Variants in ARVCF observed in about 807,000 individuals in gnomAD.
The protein encoded by ARVCF is splicing regulator ARVCF.
Under a neutral mutation model 90.9 loss-of-function variants are expected in ARVCF, and 66 were observed. The observed-to-expected ratio is 0.73, with a 90% confidence interval of 0.60 to 0.89. The LOEUF (loss-of-function observed/expected upper bound fraction) is 0.89, where lower values mean the gene tolerates loss of function less well. Among genes scored for constraint, ARVCF ranks in the 40% least tolerant of loss-of-function variants. The pLI, the probability that ARVCF is intolerant of heterozygous loss-of-function variation, is 0.00. For synonymous variants in ARVCF, 653 were observed against 603.4 expected, an observed-to-expected ratio of 1.08 and a Z score of -1.21; for missense variants, 1,469 against 1,382.3, an observed-to-expected ratio of 1.06 and a Z score of -1.00.
intron 3 of ARVCF, chr22:19,986,982 G>C (rs1220971968): frequency 4.7e-6 from 3 of 633,318 alleles, no homozygotes; most frequent in African/African-American, 3.8e-5. Context: ...CGGCTCCGCG[G>C]AACAAAAGCG....
chr22:19,981,962 C>T lies in ARVCF; in HGVS notation c.340G>A (p.Asp114Asn), dbSNP rs1943529247. ...TSHVSIVTSEDGTTRRTETKV... is the reference protein window; with the variant it reads ...TSHVSIVTSENGTTRRTETKV... ...GTCTCGGTGCGCCGGGTTGTGCCATCTTCGGATGTGACAATAGACACATGG... is the reference window on the plus strand; with the variant it reads ...GTCTCGGTGCGCCGGGTTGTGCCATTTTCGGATGTGACAATAGACACATGG... The change falls in exon 4 of 20, where the codon GAT (aspartate) becomes AAT (asparagine). Residue 114 changes from aspartate to asparagine, a missense_variant. By Grantham distance (23) the Asp-to-Asn change is conservative (BLOSUM62 1). Coordinates refer to ENST00000263207, the MANE Select transcript of ARVCF (RefSeq NM_001670.3). The T allele has an allele frequency of 3.1e-6, 5 of 1,609,776 alleles. No individual in the cohort carries two copies. Among genetic ancestry groups the T allele is most frequent in the East Asian group, 4.5e-5 (2 of 44,642 alleles).
chr22:19,975,739 A>G lies in ARVCF; in HGVS notation c.1907T>C (p.Met636Thr). The part of the protein sequence containing the change: ...WFHQGKKDGE[M>T]DRNFDTLDLP... Reference sequence around the variant, plus strand: ...GTCTAGCGTGTCAAAGTTCCGGTCCATCTCACCATCCTTCTTTCCTGGAAG... The same window carrying G: ...GTCTAGCGTGTCAAAGTTCCGGTCCGTCTCACCATCCTTCTTTCCTGGAAG... The change falls in exon 11 of 20, where the codon ATG (methionine) becomes ACG (threonine). Residue 636 changes from methionine to threonine, a missense_variant. Physicochemically the swap from Met to Thr is moderately conservative, Grantham distance 81. Transcript: ENST00000263207. The G allele has an allele frequency of 6.2e-7, 1 of 1,613,592 alleles. No homozygotes were observed. Among genetic ancestry groups the G allele is most frequent in the Non-Finnish European group, 8.5e-7 (1 of 1,179,950 alleles).
intron 2 of ARVCF, among the ~76,000 whole-genome samples, chr22:19,994,328 G>A (rs1434669560): frequency 2.7e-5 from 4 of 149,978 alleles, no homozygotes; most frequent in African/African-American, 9.9e-5. Context: ...GTGGGTGGAG[G>A]GATGGTGGGA....
intron 3 of ARVCF, among the ~76,000 whole-genome samples, chr22:19,983,284 C>T (rs568674486): frequency 3.5e-4 from 54 of 152,352 alleles, no homozygotes; most frequent in Non-Finnish European, 7.1e-4. Flanking sequence ...CACAATGGGT[C>T]CCTTGCCTGG....
chr22:19,979,981 GCA>G lies in ARVCF; in HGVS notation c.1156_1157del (p.Cys386LeufsTer2). Reference sequence around the variant, plus strand: ...GCCGCTTGACACCCTCGTTCTCAAAGCACAGATGCTGCAGGTAGGCGGCCGCA... The same window carrying G: ...GCCGCTTGACACCCTCGTTCTCAAAGCAGATGCTGCAGGTAGGCGGCCGCA... ...ANAAAYLQHL[C>X]FENEGVKRRV... is the part of the protein sequence containing the mutation. On this transcript the variant is annotated frameshift_variant, in exon 6 of 20. Coordinates refer to ENST00000263207, the MANE Select transcript of ARVCF (RefSeq NM_001670.3). LOFTEE classifies it high-confidence loss of function. 6.3e-7 allele frequency: 1 copy of G among 1,596,172 alleles called. No individual in the cohort carries two copies. Among genetic ancestry groups the G allele is most frequent in the East Asian group, 2.3e-5 (1 of 44,014 alleles).
Position 19,977,976 on chromosome 22 carries a change from C to A in ARVCF, c.1680G>T (p.Arg560=). ...TGCCCACCTTGTTGTCAGTGTCCTT[C>A]CGGCCCACAGCCGACTGCAGGGCAT... The part of the protein sequence containing the change: ...LLHALQSAVG[R]KDTDNKSVEN... The change falls in exon 8 of 20, where the codon CGG becomes CGT. Residue 560 remains arginine, a synonymous_variant. Transcript: ENST00000263207. 6.2e-7 allele frequency: 1 copy of A among 1,609,446 alleles called. No homozygotes were observed. The highest frequency in any genetic ancestry group is 8.5e-7 in the Non-Finnish European group (1 of 1,178,100).
intron 3 of ARVCF, among the ~76,000 whole-genome samples, chr22:19,985,715 A>T (rs1357502331): frequency 8.2e-6 from 1 of 122,492 alleles, no homozygotes; most frequent in Admixed American, 7.8e-5. Flanking sequence ...GACTTCACAG[A>T]TGCACCACGG....
At chr22:20,012,922 A>T (rs1270189029) in intron 1 of ARVCF, among the ~76,000 whole-genome samples, 1 of 152,212 alleles carries the variant, frequency 6.6e-6, no homozygotes, top group Non-Finnish European at 1.5e-5. Flanking sequence ...ACTGGGATGG[A>T]GGATGCAGCC....
At position 19,975,836 on chromosome 22, in the gene ARVCF, C is replaced by T. The variant is rs984744815; in HGVS notation, c.1889-79G>A. 4.0e-6 allele frequency: 6 copies of T among 1,501,078 alleles called. No homozygotes were observed. In the African/African-American group the frequency reaches 4.1e-5, roughly 10 times the overall value. The allele number at this position is 1,501,078 out of a possible 1,614,324, so 93.0% of individuals were successfully genotyped here. On this transcript the variant is annotated intron_variant, in intron 10 of 19. Coordinates refer to ENST00000263207, the MANE Select transcript of ARVCF (RefSeq NM_001670.3). ...TATCAGGAGAGTTGGGCACAGTTCT[C>T]TCCTACCCAGGCCCCAAAAGGCACC... is the stretch of plus-strand genomic sequence containing the variant.
intron 3 of ARVCF, among the ~76,000 whole-genome samples, chr22:19,985,253 C>A (rs1208129587): frequency 6.6e-6 from 1 of 152,184 alleles, no homozygotes; most frequent in Non-Finnish European, 1.5e-5. Flanking sequence ...TCCTCTTGCA[C>A]CCCGCCCGGC....
intron 2 of ARVCF, among the ~76,000 whole-genome samples, chr22:20,007,397 G>A (rs147443548): frequency 3.9e-5 from 6 of 152,340 alleles, no homozygotes; most frequent in East Asian, 3.9e-4. Context: ...GCGAGACTCC[G>A]TCTCAAAACA....
chr22:19,978,340 G>A (rs183173802), intron 7 of ARVCF, among the ~76,000 whole-genome samples: 21 of 152,290 alleles, frequency 1.4e-4, no homozygotes, highest in African/African-American at 4.8e-4. Flanking sequence ...CCTCCCAGCT[G>A]ACCTGGAAAG....
At chr22:20,008,064 T>A (rs1194444121) in intron 2 of ARVCF, among the ~76,000 whole-genome samples, 1 of 152,012 alleles carries the variant, frequency 6.6e-6, no homozygotes, top group African/African-American at 2.4e-5. Flanking sequence ...ATTTTTGACA[T>A]CAAAATGATC....
chr22:19,973,439 G>A, intron 13 of ARVCF, 122 bp from the exon 14 acceptor site: 1 of 1,339,776 alleles, frequency 7.5e-7, no homozygotes, highest in Non-Finnish European at 9.9e-7. Context: ...GTGTGCAGGC[G>A]GTCACAGGAG....
intron 1 of ARVCF, among the ~76,000 whole-genome samples, chr22:20,013,459 T>C (rs1207389101): frequency 6.6e-6 from 1 of 152,168 alleles, no homozygotes; most frequent in Non-Finnish European, 1.5e-5. Context: ...TTGGCTCCTT[T>C]CCAACTCCAC....
intron 11 of ARVCF, 129 bp from the exon 12 acceptor site, chr22:19,974,368 C>T: frequency 8.6e-7 from 1 of 1,160,454 alleles, no homozygotes. Flanking sequence ...GTGGATGAGT[C>T]ACGTAATATT....
At chr22:19,974,676 G>A (rs1943050112) in intron 11 of ARVCF, among the ~76,000 whole-genome samples, 1 of 151,914 alleles carries the variant, frequency 6.6e-6, no homozygotes, top group South Asian at 2.1e-4. Context: ...CTAGCAAGAG[G>A]ACCTGCTTTC....
chr22:19,979,904 G>C lies in ARVCF; in HGVS notation c.1235C>G (p.Pro412Arg). 6.2e-7 allele frequency: 1 copy of C among 1,600,186 alleles called. No homozygotes were observed. The highest frequency in any genetic ancestry group is 8.5e-7 in the Non-Finnish European group (1 of 1,174,304). ...GGCCCGGCGCCGCACCTCAGCCCGC[G>C]GGTGGTCCAGCAGTGCCACAAGCAG... ...LPLLVALLDH[P>R]RAEVRRRACG... The change falls in exon 6 of 20, where the codon CCG (proline) becomes CGG (arginine). Residue 412 changes from proline (P) to arginine (R), a missense_variant. Physicochemically the swap from Pro to Arg is moderately radical, Grantham distance 103 (BLOSUM62 -2). Coordinates refer to ENST00000263207, the MANE Select transcript of ARVCF (RefSeq NM_001670.3).
intron 1 of ARVCF, among the ~76,000 whole-genome samples, chr22:20,013,873 A>AT (rs887081282): frequency 9.9e-5 from 15 of 151,182 alleles, no homozygotes; most frequent in Admixed American, 2.6e-4. Context: ...TTTTGTGGGT[A>AT]TTTTTTTTTC....
Sources: gnomAD v4.1 joint callset for allele counts (sites outside exome capture counted in the v4.1 genomes callset) on GRCh38, gnomAD v4.1.1 for gene constraint, MANE v1.5 for transcripts, NCBI Gene and HGNC (gene_info 2026-07-23, HGNC 2026-07-21) for gene names.